The following MSRB3 variants were observed in gnomAD, a reference collection of about 807,000 sequenced individuals.
The protein encoded by MSRB3 is methionine-R-sulfoxide reductase B3.
Under a neutral mutation model 21.0 loss-of-function variants are expected in MSRB3, and 13 were observed. The ratio of observed to expected loss-of-function variants is 0.62; its 90% CI spans 0.40 to 0.98. MSRB3 has a LOEUF of 0.98. Among genes scored for constraint, MSRB3 ranks in the 50% least tolerant of loss-of-function variants. The pLI, the probability that MSRB3 is intolerant of heterozygous loss-of-function variation, is 0.00. For synonymous variants in MSRB3, 87 were observed against 88.6 expected (o/e 0.98, Z 0.10); for missense variants, 199 against 230.3 (o/e 0.86, Z 0.88).
chr12:65,324,766 G>A (rs755344565), intron 2 of MSRB3, among the ~76,000 whole-genome samples: 1 of 152,182 alleles, frequency 6.6e-6, no homozygotes, highest in East Asian at 1.9e-4. Context: ...AGGCAGAAAA[G>A]CATCCAATGT....
intron 5 of MSRB3, among the ~76,000 whole-genome samples, chr12:65,370,492 A>G (rs964428907): frequency 6.6e-6 from 1 of 152,198 alleles, no homozygotes; most frequent in Non-Finnish European, 1.5e-5. Context: ...TTTAAAAATG[A>G]ATACGTCCAC....
chr12:65,298,160 C>T (rs1035273585), intron 1 of MSRB3, among the ~76,000 whole-genome samples: 53 of 152,222 alleles, frequency 3.5e-4, no homozygotes, highest in African/African-American at 1.3e-3. Flanking sequence ...CATGCCACCA[C>T]GACTGGCTAA....
At chr12:65,459,465 T>G (rs1339826999) in intron 6 of MSRB3, among the ~76,000 whole-genome samples, 4 of 152,188 alleles carry the variant, frequency 2.6e-5, no homozygotes, top group Non-Finnish European at 4.4e-5. Flanking sequence ...GCTAAACTGG[T>G]GACTTCACAG....
chr12:65,392,216 A>C (rs528273983), intron 5 of MSRB3, among the ~76,000 whole-genome samples: 1 of 152,318 alleles, frequency 6.6e-6, no homozygotes, highest in African/African-American at 2.4e-5. Context: ...CATTGTTTTA[A>C]AAGCTCCCTA....
intron 4 of MSRB3, among the ~76,000 whole-genome samples, chr12:65,352,304 G>T (rs901054101): frequency 2.0e-5 from 3 of 151,774 alleles, no homozygotes; most frequent in Non-Finnish European, 4.4e-5. Context: ...GGTATTGATG[G>T]GACGTATTTC....
chr12:65,429,518 A>G (rs1881778137), intron 5 of MSRB3, among the ~76,000 whole-genome samples: 2 of 152,160 alleles, frequency 1.3e-5, no homozygotes, highest in South Asian at 2.1e-4. Context: ...GTCCACCTTC[A>G]AATATTTCTT....
chr12:65,291,663 C>T (rs529589432), intron 1 of MSRB3, among the ~76,000 whole-genome samples: 159 of 152,250 alleles, frequency 1.0e-3, no homozygotes, highest in African/African-American at 3.7e-3. Context: ...ACCAGAGAAA[C>T]ACAGGACCTC....
chr12:65,370,990 T>C (rs1565859685), intron 5 of MSRB3, among the ~76,000 whole-genome samples: 1 of 152,178 alleles, frequency 6.6e-6, no homozygotes, highest in African/African-American at 2.4e-5. Flanking sequence ...AAGCTAGAAA[T>C]GTATTCTTTG....
chr12:65,347,528 C>T (rs542042221), intron 4 of MSRB3, among the ~76,000 whole-genome samples: 1 of 152,292 alleles, frequency 6.6e-6, no homozygotes, highest in East Asian at 1.9e-4. Context: ...ATGTCATCTG[C>T]AAACAGGGAC....
chr12:65,410,541 G>C (rs921414359), intron 5 of MSRB3, among the ~76,000 whole-genome samples: 1 of 152,096 alleles, frequency 6.6e-6, no homozygotes. Flanking sequence ...CTACTTGGGG[G>C]GCTGAGGTGG....
At chr12:65,318,208 A>G (rs992668153) in intron 2 of MSRB3, among the ~76,000 whole-genome samples, 3 of 152,042 alleles carry the variant, frequency 2.0e-5, no homozygotes, top group Admixed American at 2.0e-4. Flanking sequence ...TAATTAATTT[A>G]TATTTGAAAT....
intron 5 of MSRB3, among the ~76,000 whole-genome samples, chr12:65,402,163 G>A (rs1880163764): frequency 6.6e-6 from 1 of 152,172 alleles, no homozygotes; most frequent in African/African-American, 2.4e-5. Context: ...GGCCTGGCTT[G>A]CTAGGTTGGG....
intron 5 of MSRB3, among the ~76,000 whole-genome samples, chr12:65,446,760 T>C (rs1292246087): frequency 6.6e-6 from 1 of 152,216 alleles, no homozygotes; most frequent in African/African-American, 2.4e-5. Context: ...AATGCATTAA[T>C]GGGTGTGACC....
At chr12:65,366,597 G>A (rs1565857718) in intron 4 of MSRB3, among the ~76,000 whole-genome samples, 1 of 152,134 alleles carries the variant, frequency 6.6e-6, no homozygotes, top group Non-Finnish European at 1.5e-5. Context: ...GAGAGGAGGG[G>A]AGGGATGTAG....
intron 2 of MSRB3, among the ~76,000 whole-genome samples, chr12:65,315,711 G>T (rs973252913): frequency 6.9e-6 from 1 of 145,458 alleles, no homozygotes; most frequent in Non-Finnish European, 1.5e-5. Context: ...AATGACAAAA[G>T]ATATCAGTTA....
intron 5 of MSRB3, among the ~76,000 whole-genome samples, chr12:65,376,960 G>A (rs1878659829): frequency 6.6e-6 from 1 of 152,146 alleles, no homozygotes; most frequent in East Asian, 1.9e-4. Context: ...ATATCTCATA[G>A]CTTTATAAGG....
At chr12:65,295,559 T>A (rs927532502) in intron 1 of MSRB3, among the ~76,000 whole-genome samples, 2 of 152,140 alleles carry the variant, frequency 1.3e-5, no homozygotes, top group African/African-American at 4.8e-5. Flanking sequence ...GTCTCCCTTT[T>A]TTTTTTGGTA....
chr12:65,312,808 T>A (rs1452059097), intron 2 of MSRB3, among the ~76,000 whole-genome samples: 1 of 152,100 alleles, frequency 6.6e-6, no homozygotes, highest in Non-Finnish European at 1.5e-5. Flanking sequence ...ACTTAATAAA[T>A]ATATGTTAAA....
At chr12:65,408,191 T>C (rs1880521441) in intron 5 of MSRB3, among the ~76,000 whole-genome samples, 1 of 152,108 alleles carries the variant, frequency 6.6e-6, no homozygotes, top group East Asian at 1.9e-4. Context: ...ACCTCCCCGG[T>C]TGAAGCAATT....
Sources: allele counts gnomAD v4.1 joint callset (sites outside exome capture counted in the v4.1 genomes callset), GRCh38; gene constraint gnomAD v4.1.1; transcripts MANE v1.5; gene names NCBI Gene and HGNC (gene_info 2026-07-23, HGNC 2026-07-21).